Variants in STRADB observed in about 807,000 individuals in gnomAD.
STRADB encodes STE20 related adaptor beta.
STRADB carries 34 observed loss-of-function variants against 52.1 expected under a neutral mutation model. That is an observed-to-expected ratio of 0.65 (90% CI 0.50 to 0.87). STRADB has a LOEUF of 0.87. Among genes scored for constraint, STRADB ranks in the 40% least tolerant of loss-of-function variants. The probability of loss-of-function intolerance (pLI) is 0.00; values close to 1 mark genes in which losing one functional copy is unlikely to be tolerated. For synonymous variants in STRADB, 133 were observed against 174.5 expected (o/e 0.76, Z 1.87); for missense variants, 340 against 483.9 (o/e 0.70, Z 2.79).
intron 3 of STRADB, among the ~76,000 whole-genome samples, chr2:201,463,492 C>A (rs549400049): frequency 2.0e-5 from 3 of 152,084 alleles, no homozygotes; most frequent in Admixed American, 2.0e-4. Flanking sequence ...CTTTCTTTAT[C>A]CTTGACCTTT....
At chr2:201,464,113 G>A (rs1045795452) in intron 3 of STRADB, among the ~76,000 whole-genome samples, 2 of 152,040 alleles carry the variant, frequency 1.3e-5, no homozygotes, top group Non-Finnish European at 2.9e-5. Flanking sequence ...GTGAAATCAT[G>A]TTTTCCTAGA....
chr2:201,472,837 C>A, intron 4 of STRADB, 118 bp from the exon 5 acceptor site: 2 of 1,016,644 alleles, frequency 2.0e-6, no homozygotes, highest in Non-Finnish European at 1.4e-6. Flanking sequence ...AGTAGTGTGC[C>A]TTTTCATTTT....
rs1271273935 is a variant in STRADB, at chr2:201,478,452, T to G, written c.921T>G (p.Gly307=). Residue 307 remains glycine, a synonymous_variant, in exon 10 of 12, where the codon GGT becomes GGG. Transcript: ENST00000194530. Reference sequence around the variant, plus strand: ...CCAGAATGAAAAATTCCCAGTCAGGTGTAGACTCTGGGATTGGAGAAAGTG... The same window carrying G: ...CCAGAATGAAAAATTCCCAGTCAGGGGTAGACTCTGGGATTGGAGAAAGTG... ...SESRMKNSQS[G]VDSGIGESVL... 1 of 1,613,926 alleles carries G rather than the reference T, an allele frequency of 6.2e-7. No homozygotes were observed. Among genetic ancestry groups the G allele is most frequent in the Admixed American group, 1.7e-5 (1 of 59,994 alleles).
At chr2:201,466,739 A>C (rs1952310864) in intron 3 of STRADB, among the ~76,000 whole-genome samples, 1 of 152,198 alleles carries the variant, frequency 6.6e-6, no homozygotes, top group South Asian at 2.1e-4. Context: ...TTGAGCTGAG[A>C]TGCTTTTTAA....
chr2:201,479,634 C>T (rs1952538475), intron 11 of STRADB, 103 bp downstream of exon 11: 1 of 1,149,264 alleles, frequency 8.7e-7, no homozygotes, highest in East Asian at 2.5e-5. Flanking sequence ...AAGGTTCTTA[C>T]TAATAACTTT....
intron 7 of STRADB, among the ~76,000 whole-genome samples, chr2:201,477,052 GTTTTTTTTT>G (rs1221462406): frequency 3.2e-4 from 18 of 57,056 alleles, no homozygotes; most frequent in African/African-American, 1.3e-3. Context: ...AATATTATCA[GTTTTTTTTT>G]TTTTTTTTTT....
intron 3 of STRADB, chr2:201,460,879 CT>C: frequency 5.7e-6 from 1 of 176,506 alleles, no homozygotes. Context: ...GGATATATAC[CT>C]ATCAGTGGGA....
At chr2:201,475,958 T>TGCTTGGCACCCA (rs1952465261) in intron 7 of STRADB, among the ~76,000 whole-genome samples, 1 of 152,160 alleles carries the variant, frequency 6.6e-6, no homozygotes. Flanking sequence ...GCCAAGCAGT[T>TGCTTGGCACCCA]ATTGGGATTG....
intron 2 of STRADB, among the ~76,000 whole-genome samples, chr2:201,456,205 A>G (rs1952125009): frequency 6.6e-6 from 1 of 152,220 alleles, no homozygotes; most frequent in Admixed American, 6.5e-5. Flanking sequence ...GTTCCAGTAA[A>G]ACTTTACTCA....
chr2:201,464,165 G>T (rs1265084111), intron 3 of STRADB, among the ~76,000 whole-genome samples: 3 of 152,116 alleles, frequency 2.0e-5, no homozygotes, highest in African/African-American at 7.2e-5. Flanking sequence ...TCTGGGCATT[G>T]AAGAGTTACG....
At chr2:201,458,292 T>C (rs1224296742) in intron 2 of STRADB, among the ~76,000 whole-genome samples, 2 of 152,336 alleles carry the variant, frequency 1.3e-5, no homozygotes, top group East Asian at 3.9e-4. Context: ...CTTTGAGTTA[T>C]AATTAGAGAT....
intron 3 of STRADB, among the ~76,000 whole-genome samples, chr2:201,463,658 T>C (rs1952252981): frequency 6.6e-6 from 1 of 152,208 alleles, no homozygotes. Flanking sequence ...TCTGTGTTAT[T>C]ATCCCTTTGA....
rs1284773306 is a variant in STRADB, at chr2:201,478,139, C to T, written c.773C>T (p.Ala258Val). 1 of 1,613,772 alleles carries T rather than the reference C, an allele frequency of 6.2e-7. No homozygotes were observed. The highest frequency in any genetic ancestry group is 1.7e-5 in the Admixed American group (1 of 59,960). ...GATATTTACAGTGTTGGGATTACAG[C>T]ATGTGAATTAGCCAGTGGGCAGGTG... Reference protein sequence around the residue: ...KSDIYSVGITACELASGQVPF... With the variant: ...KSDIYSVGITVCELASGQVPF... The change falls in exon 9 of 12, where the codon GCA (alanine) becomes GTA (valine). Residue 258 changes from alanine (A) to valine (V), a missense_variant. By Grantham distance (64) the Ala-to-Val change is moderately conservative (BLOSUM62 0). Coordinates refer to ENST00000194530, the MANE Select transcript of STRADB (RefSeq NM_018571.6).
intron 1 of STRADB, 71 bp from the exon 2 acceptor site, chr2:201,454,675 G>T: frequency 2.0e-6 from 1 of 493,588 alleles, no homozygotes; most frequent in South Asian, 4.9e-5. Context: ...AATATTGGAT[G>T]GGTTTAAGGC....
chr2:201,477,974 T>C, intron 8 of STRADB, 113 bp from the exon 9 acceptor site: 2 of 1,178,774 alleles, frequency 1.7e-6, no homozygotes, highest in Non-Finnish European at 2.4e-6. Context: ...GATTTGTCGC[T>C]TATGGGTTTC....
chr2:201,468,460 T>C (rs1952339804), intron 3 of STRADB, among the ~76,000 whole-genome samples: 2 of 152,208 alleles, frequency 1.3e-5, no homozygotes, highest in Non-Finnish European at 2.9e-5. Flanking sequence ...TGTTTGCTAC[T>C]TTTATTCTGG....
intron 4 of STRADB, among the ~76,000 whole-genome samples, chr2:201,471,544 C>T (rs756360764): frequency 3.9e-5 from 6 of 152,142 alleles, no homozygotes; most frequent in Non-Finnish European, 7.3e-5. Context: ...ACTCCCATTT[C>T]GCAGATGAGG....
In STRADB at chr2:201,480,209, A is replaced by G; in HGVS notation, c.*34A>G. 1.2e-6 allele frequency: 2 copies of G among 1,601,986 alleles called. No individual in the cohort carries two copies. On this transcript the variant is annotated 3_prime_UTR_variant, in exon 12 of 12. Coordinates refer to ENST00000194530, the MANE Select transcript of STRADB (RefSeq NM_018571.6). ...AATCATTTTATGTCCTATATACTTGACACTTTCTCCTTGCTGCTTTTTCTT... is the reference window on the plus strand; with the variant it reads ...AATCATTTTATGTCCTATATACTTGGCACTTTCTCCTTGCTGCTTTTTCTT...
intron 4 of STRADB, among the ~76,000 whole-genome samples, chr2:201,470,850 CTT>C (rs2125679504): frequency 6.6e-6 from 1 of 152,258 alleles, no homozygotes; most frequent in South Asian, 2.1e-4. Flanking sequence ...TCCTGGCTAA[CTT>C]AAGTGAAAAA....
Sources: gnomAD v4.1 joint callset for allele counts (sites outside exome capture counted in the v4.1 genomes callset) on GRCh38, gnomAD v4.1.1 for gene constraint, MANE v1.5 for transcripts, NCBI Gene and HGNC (gene_info 2026-07-23, HGNC 2026-07-21) for gene names.